The following ASMTL variants were observed in gnomAD, a reference collection of about 807,000 sequenced individuals.
ASMTL encodes probable bifunctional dTTP/UTP pyrophosphatase/methyltransferase protein.
Under a neutral mutation model 60.3 loss-of-function variants are expected in ASMTL, and 57 were observed. The ratio of observed to expected loss-of-function variants is 0.95; its 90% CI spans 0.76 to 1.18. The LOEUF (loss-of-function observed/expected upper bound fraction) is 1.18. ASMTL is among the 50% of genes most tolerant of loss of function. ASMTL has a pLI of 0.00. For synonymous variants in ASMTL, 419 were observed against 373.0 expected (o/e 1.12, Z -1.42); for missense variants, 981 against 852.6 (o/e 1.15, Z -1.88).
At chrX:1,413,494 A>G (rs2090116100) in intron 11 of ASMTL, among the ~76,000 whole-genome samples, 1 of 152,292 alleles carries the variant, frequency 6.6e-6, no homozygotes, top group East Asian at 1.9e-4. Flanking sequence ...TGATCCCCTG[A>G]TTCAGGCGCC....
Position 1,413,153 on chromosome X carries a change from A to G in ASMTL, c.1523-299T>C, listed in dbSNP as rs1369833304. The G allele has an allele frequency of 1.5e-5, 6 of 391,706 alleles. No individual in the cohort carries two copies. The East Asian group carries it at 2.5e-4, about 16-fold the overall frequency. 24.3% of individuals were successfully genotyped at this position (391,706 alleles called of 1,614,324 possible). A position where few individuals can be genotyped will look rare whatever the true frequency, so the allele number is the denominator to read the frequency against. ...TGAGGTGGGCAGATTGTCTGAGCTC[A>G]GGAGTTCGAGACCAGCCTGGGCAAC... On this transcript the variant is annotated intron_variant, in intron 11 of 12. Transcript: ENST00000381317.
At chrX:1,420,049 C>CTA (rs60330856) in intron 9 of ASMTL, among the ~76,000 whole-genome samples, 110,469 of 151,032 alleles carry the variant, frequency 0.73, 42,485 homozygotes, top group South Asian at 0.9. Flanking sequence ...GTCTCTATGT[C>CTA]TGTCTCCTGT....
chrX:1,442,016 A>T lies in ASMTL; in HGVS notation c.225+170T>A, dbSNP rs2091120274. ...TTAATTCTGTATCATTAATGGTATT[A>T]TTAGGTTACTGCAATAGTGCATTAC... On this transcript the variant is annotated intron_variant, in intron 2 of 12. Transcript: ENST00000381317. The T allele has an allele frequency of 5.6e-6, 4 of 717,200 alleles. No homozygotes were observed. The South Asian group carries it at 7.3e-5, about 13-fold the overall frequency. 44.4% of individuals were successfully genotyped at this position (717,200 alleles called of 1,614,324 possible).
At position 1,450,761 on chromosome X, in the gene ASMTL, C is replaced by T. The variant is rs771793846; in HGVS notation, c.93+1987G>A. Among the ~76,000 whole-genome samples, 330 of 130,218 alleles carry T rather than the reference C, an allele frequency of 2.5e-3. 9 individuals are homozygous for T. Among genetic ancestry groups the T allele is most frequent in the African/African-American group, 9.0e-3 (303 of 33,636 alleles). The allele number at this position is 130,218 out of a possible 152,430, so 85.4% of individuals were successfully genotyped here. A position where few individuals can be genotyped will look rare whatever the true frequency, so the allele number is the denominator to read the frequency against. ...TCTCCCCTCCCCCATCCCTAGGGTTCCCGGGTTACTCTCCCCTCCCCCAAC... is the reference window on the plus strand; with the variant it reads ...TCTCCCCTCCCCCATCCCTAGGGTTTCCGGGTTACTCTCCCCTCCCCCAAC... On this transcript the variant is annotated intron_variant, in intron 1 of 12. Coordinates refer to ENST00000381317, the MANE Select transcript of ASMTL (RefSeq NM_004192.4).
At chrX:1,453,422 C>T (rs2091445462), upstream of ASMTL, among the ~76,000 whole-genome samples, 2 of 151,970 alleles carry the variant, frequency 1.3e-5, no homozygotes, top group South Asian at 2.1e-4. Context: ...CCCGTCCCCG[C>T]CCCCGGCGCT....
At chrX:1,419,396 G>A (rs1266544562) in intron 9 of ASMTL, among the ~76,000 whole-genome samples, 1 of 152,280 alleles carries the variant, frequency 6.6e-6, no homozygotes, top group East Asian at 1.9e-4. Context: ...TTTCGCAGTA[G>A]GCTTTTCACA....
chrX:1,415,415 A>G (rs6655376), intron 11 of ASMTL, among the ~76,000 whole-genome samples: 4,032 of 150,944 alleles, frequency 0.027, 207 homozygotes, highest in African/African-American at 0.092. Flanking sequence ...CACTGATGAT[A>G]ACTTCACACA....
intron 3 of ASMTL, among the ~76,000 whole-genome samples, 186 bp from the exon 4 acceptor site, chrX:1,435,944 G>A (rs28688206): frequency 0.042 from 6,456 of 152,086 alleles, 427 homozygotes; most frequent in African/African-American, 0.14. Context: ...CTGGTTCCAG[G>A]ATGTTCTCTT....
intron 3 of ASMTL, among the ~76,000 whole-genome samples, chrX:1,436,454 G>A (rs1405558061): frequency 2.6e-5 from 4 of 152,160 alleles, no homozygotes; most frequent in Non-Finnish European, 4.4e-5. Flanking sequence ...CCGGGTTCAC[G>A]CCATTCTCCT....
intron 5 of ASMTL, 129 bp from the exon 6 acceptor site, chrX:1,432,506 T>C (rs1242524679): frequency 7.0e-6 from 5 of 714,400 alleles, no homozygotes; most frequent in Admixed American, 4.4e-5. Flanking sequence ...GGATGCTTCA[T>C]GGGAGAATAA....
At chrX:1,417,839 C>A in intron 11 of ASMTL, 134 bp downstream of exon 11, 1 of 1,146,360 alleles carries the variant, frequency 8.7e-7, no homozygotes, top group South Asian at 1.7e-5. Flanking sequence ...CGTAGACAGT[C>A]CCATTTGCAC....
At chrX:1,434,130 G>C (rs763851071) in intron 5 of ASMTL, among the ~76,000 whole-genome samples, 7 of 152,216 alleles carry the variant, frequency 4.6e-5, no homozygotes, top group South Asian at 2.1e-4. Context: ...CAACAAGCTG[G>C]GAATGGGTTG....
At chrX:1,422,273 T>TGC (rs1569532815) in intron 8 of ASMTL, among the ~76,000 whole-genome samples, 15 of 151,652 alleles carry the variant, frequency 9.9e-5, no homozygotes, top group South Asian at 6.2e-4. Context: ...AAAATGTGCA[T>TGC]TGGCCTCATC....
Position 1,432,342 on chromosome X carries a change from C to G in ASMTL, c.436G>C (p.Glu146Gln). ...TCCGAGAACTTCACCTTCGTTTCCT[C>G]GTAGAATTCCGAGACCCTGGTGTCC... ...QLDTRVSEFYEETKVKFSELS... is the reference protein window; with the variant it reads ...QLDTRVSEFYQETKVKFSELS... The change falls in exon 6 of 13, where the codon GAG (glutamate) becomes CAG (glutamine). Residue 146 changes from glutamate to glutamine, a missense_variant. Physicochemically the swap from Glu to Gln is conservative, Grantham distance 29. Transcript: ENST00000381317. 1 of 1,613,246 alleles carries G rather than the reference C, an allele frequency of 6.2e-7. No homozygotes were observed. Among genetic ancestry groups the G allele is most frequent in the Admixed American group, 1.7e-5 (1 of 59,962 alleles).
In ASMTL at chrX:1,445,320, C is replaced by T. The variant is rs1367032802; in HGVS notation, c.94-3003G>A. 2.6e-5 allele frequency among the ~76,000 whole-genome samples: 4 copies of T among 152,116 alleles called. No individual in the cohort carries two copies. In the South Asian group the frequency reaches 6.2e-4, roughly 24 times the overall value. ...CTCTCGGCTTCCTTTTACCAGCCCA[C>T]GTGGGTGCCAAACAACCCGACATTC... is the stretch of plus-strand genomic sequence containing the variant. On this transcript the variant is annotated intron_variant, in intron 1 of 12. Coordinates refer to ENST00000381317, the MANE Select transcript of ASMTL (RefSeq NM_004192.4).
At chrX:1,442,356 G>A (rs1163418022) in intron 1 of ASMTL, 39 bp from the exon 2 acceptor site, 82 of 1,612,530 alleles carry the variant, frequency 5.1e-5, no homozygotes, top group Non-Finnish European at 6.9e-5. Context: ...GTCAATGAAA[G>A]ACCCTATGAA....
upstream of ASMTL, among the ~76,000 whole-genome samples, chrX:1,453,193 C>A (rs1388810708): frequency 1.3e-5 from 2 of 151,302 alleles, no homozygotes; most frequent in Admixed American, 6.6e-5. Flanking sequence ...CCTCCATTGC[C>A]CTCTCCGCCA....
rs1335449429 is a variant in ASMTL at position 1,411,475 on chromosome X, T to C, written c.1645+1257A>G. Among the ~76,000 whole-genome samples the C allele has an allele frequency of 2.0e-5, 3 of 152,206 alleles. No homozygotes were observed. The South Asian group carries it at 6.2e-4, about 32-fold the overall frequency. ...AATATGCAGCCCTGGCCCGAACCCC[T>C]GGAGCCAGGGTTTCCAGCAGCCCCA... On this transcript the variant is annotated intron_variant, in intron 12 of 12. Coordinates refer to ENST00000381317, the MANE Select transcript of ASMTL (RefSeq NM_004192.4).
At chrX:1,447,356 A>C (rs2091248929) in intron 1 of ASMTL, among the ~76,000 whole-genome samples, 1 of 151,668 alleles carries the variant, frequency 6.6e-6, no homozygotes, top group Non-Finnish European at 1.5e-5. Flanking sequence ...TTGGACACAC[A>C]ACATCTTGGA....
Sources: gnomAD v4.1 joint callset for allele counts (sites outside exome capture counted in the v4.1 genomes callset) on GRCh38, gnomAD v4.1.1 for gene constraint, MANE v1.5 for transcripts, NCBI Gene and HGNC (gene_info 2026-07-23, HGNC 2026-07-21) for gene names.